Variants in RAB27A observed in about 807,000 individuals in gnomAD.
RAB27A encodes the protein ras-related protein Rab-27A.
RAB27A carries 17 observed loss-of-function variants against 20.8 expected under a neutral mutation model. That is an observed-to-expected ratio of 0.82 (90% confidence interval 0.56 to 1.23). RAB27A has a LOEUF of 1.23. Ranked by LOEUF, RAB27A falls within the 50% of genes most tolerant of loss-of-function variation. RAB27A has a pLI of 0.00. For synonymous variants in RAB27A, 85 were observed against 92.8 expected (o/e 0.92, Z 0.48); for missense variants, 277 against 266.7 (o/e 1.04, Z -0.27).
chr15:55,210,843 C>T (rs529051492), intron 6 of RAB27A, among the ~76,000 whole-genome samples: 1 of 152,048 alleles, frequency 6.6e-6, no homozygotes, highest in Non-Finnish European at 1.5e-5. Flanking sequence ...TTTGTCCAGA[C>T]GAATGACCTG....
chr15:55,308,389 C>T (rs2055007011), intron 2 of RAB27A, among the ~76,000 whole-genome samples: 1 of 152,176 alleles, frequency 6.6e-6, no homozygotes, highest in African/African-American at 2.4e-5. Flanking sequence ...TATATTTACC[C>T]TTTTTCCTTC....
Position 55,315,026 on chromosome 15 carries a change from T to C in RAB27A, c.-233-866A>G, listed in dbSNP as rs921230250. Among the ~76,000 whole-genome samples, 37 of 152,210 alleles carry C rather than the reference T, an allele frequency of 2.4e-4. No homozygotes were observed. The East Asian group carries it at 6.6e-3, about 27-fold the overall frequency. On this transcript the variant is annotated intron_variant, in intron 1 of 5. Coordinates refer to the RAB27A transcript ENST00000563262. ...GACTTCAAACTATACAAAAAGGCTATGGTAACCAAAACACCATGGTACTGG... is the reference window on the plus strand; with the variant it reads ...GACTTCAAACTATACAAAAAGGCTACGGTAACCAAAACACCATGGTACTGG...
intron 6 of RAB27A, among the ~76,000 whole-genome samples, chr15:55,207,607 C>A (rs564596975): frequency 6.6e-6 from 1 of 152,370 alleles, no homozygotes; most frequent in African/African-American, 2.4e-5. Flanking sequence ...ACAATAACTA[C>A]TAGCCACATG....
intron 2 of RAB27A, among the ~76,000 whole-genome samples, chr15:55,258,290 C>T (rs548553543): frequency 6.6e-6 from 1 of 152,258 alleles, no homozygotes; most frequent in South Asian, 2.1e-4. Context: ...TTTTTGGTCT[C>T]ACTTAACACT....
intron 2 of RAB27A, among the ~76,000 whole-genome samples, chr15:55,295,040 T>C (rs917485727): frequency 4.6e-4 from 70 of 152,120 alleles, no homozygotes; most frequent in African/African-American, 1.6e-3. Context: ...TACAATTGAA[T>C]ATACATTTCT....
chr15:55,309,106 T>C (rs1370553503), intron 2 of RAB27A, among the ~76,000 whole-genome samples: 1 of 152,196 alleles, frequency 6.6e-6, no homozygotes, highest in Non-Finnish European at 1.5e-5. Flanking sequence ...CTGCTTCAGG[T>C]GTCCATCTTA....
intron 5 of RAB27A, among the ~76,000 whole-genome samples, chr15:55,224,809 T>C (rs560631123): frequency 6.6e-5 from 10 of 152,242 alleles, no homozygotes; most frequent in Non-Finnish European, 1.2e-4. Flanking sequence ...CAGTAAGACA[T>C]ACTTCAGAGT....
At chr15:55,297,382 T>C (rs2054954217) in intron 2 of RAB27A, among the ~76,000 whole-genome samples, 1 of 152,280 alleles carries the variant, frequency 6.6e-6, no homozygotes, top group African/African-American at 2.4e-5. Context: ...GCTGTAGACA[T>C]GCAAGCATGA....
chr15:55,272,795 T>C (rs1566932139), intron 1 of RAB27A, among the ~76,000 whole-genome samples: 1 of 152,326 alleles, frequency 6.6e-6, no homozygotes, highest in South Asian at 2.1e-4. Context: ...GTAGATGGAC[T>C]AGAGGTAACT....
At chr15:55,293,464 T>C (rs2054933971), upstream of RAB27A, among the ~76,000 whole-genome samples, 1 of 151,160 alleles carries the variant, frequency 6.6e-6, no homozygotes, top group Non-Finnish European at 1.5e-5. Flanking sequence ...TGCATTTCAA[T>C]GTATTAGAAA....
chr15:55,300,644 A>G (rs931778211), intron 2 of RAB27A, among the ~76,000 whole-genome samples: 6 of 151,702 alleles, frequency 4.0e-5, no homozygotes, highest in Non-Finnish European at 7.4e-5. Flanking sequence ...GTGCCATTGC[A>G]CCCCAGTCTG....
chr15:55,282,386 C>G (rs1898039310), intron 1 of RAB27A, among the ~76,000 whole-genome samples: 2 of 152,150 alleles, frequency 1.3e-5, no homozygotes, highest in African/African-American at 4.8e-5. Context: ...TTCCAAGGTC[C>G]CTACTAGCTC....
At chr15:55,306,882 T>C (rs1205489180) in intron 2 of RAB27A, among the ~76,000 whole-genome samples, 1 of 152,036 alleles carries the variant, frequency 6.6e-6, no homozygotes, top group African/African-American at 2.4e-5. Context: ...GGGAGGGCCA[T>C]GGGGATTTAC....
intron 6 of RAB27A, 40 bp from the exon 7 acceptor site, chr15:55,205,745 G>T: frequency 6.6e-7 from 1 of 1,512,790 alleles, no homozygotes; most frequent in Non-Finnish European, 9.2e-7. Context: ...CATGTGGAGG[G>T]AAAGGAGAGT....
intron 1 of RAB27A, among the ~76,000 whole-genome samples, chr15:55,287,126 G>A (rs780178511): frequency 3.3e-5 from 5 of 151,862 alleles, no homozygotes; most frequent in Non-Finnish European, 5.9e-5. Context: ...CACCATGTTG[G>A]CCAGCCTGGT....
At chr15:55,243,896 G>T (rs531733360) in intron 2 of RAB27A, among the ~76,000 whole-genome samples, 1 of 152,188 alleles carries the variant, frequency 6.6e-6, no homozygotes, top group East Asian at 1.9e-4. Flanking sequence ...CCATCTTTCT[G>T]AACATTTTAA....
intron 5 of RAB27A, among the ~76,000 whole-genome samples, chr15:55,225,514 A>C (rs1460552614): frequency 6.6e-6 from 1 of 152,202 alleles, no homozygotes; most frequent in Admixed American, 6.5e-5. Context: ...GCTCTACTGA[A>C]TCAGGAATGC....
intron 5 of RAB27A, among the ~76,000 whole-genome samples, chr15:55,225,041 A>C (rs1466076135): frequency 6.6e-6 from 1 of 152,204 alleles, no homozygotes; most frequent in Admixed American, 6.5e-5. Context: ...GACAGACTAA[A>C]CTGTGTACCA....
chr15:55,239,823 G>C (rs968614508), intron 2 of RAB27A, among the ~76,000 whole-genome samples: 1 of 152,128 alleles, frequency 6.6e-6, no homozygotes, highest in African/African-American at 2.4e-5. Context: ...GGGAGTTGGG[G>C]GCAGGCAGGT....
Sources: gnomAD v4.1 joint callset for allele counts (sites outside exome capture counted in the v4.1 genomes callset) on GRCh38, gnomAD v4.1.1 for gene constraint, MANE v1.5 for transcripts, NCBI Gene and HGNC (gene_info 2026-07-23, HGNC 2026-07-21) for gene names.